ADAMTSL4: variants seen among roughly 807,000 people sequenced by gnomAD.
The protein encoded by ADAMTSL4 is ADAMTS-like protein 4.
Under a neutral mutation model 122.8 loss-of-function variants are expected in ADAMTSL4, and 97 were observed. The observed-to-expected ratio is 0.79, with a 90% CI of 0.67 to 0.93. The LOEUF is 0.93. Ranked by LOEUF, ADAMTSL4 falls within the 40% of genes least tolerant of loss-of-function variation. The pLI is 0.00. For synonymous variants in ADAMTSL4, 592 were observed against 568.0 expected (o/e 1.04, Z -0.60); for missense variants, 1,408 against 1,453.5 (o/e 0.97, Z 0.51).
rs778152887 is a variant in ADAMTSL4 at position 150,559,103 on chromosome 1, C to T, written c.2701C>T (p.Arg901Cys). Residue 901 changes from arginine to cysteine, a missense_variant, in exon 16 of 19, where the codon CGC (arginine) becomes TGC (cysteine). Transcript: ENST00000271643. The surrounding 1 kb of genome is among the most constrained non-coding windows in gnomAD (Gnocchi z 4.1). ...AACAGGAAGCCGGCCCCCTGACATG[C>T]GCGCCTGCAGCCTGGGGCCCTGTGA... is the stretch of plus-strand genomic sequence containing the variant. Reference protein sequence around the residue: ...CPTGSRPPDMRACSLGPCERT... With the variant: ...CPTGSRPPDMCACSLGPCERT... The T allele has an allele frequency of 8.1e-6, 13 of 1,612,694 alleles. No individual in the cohort carries two copies. In the East Asian group the frequency reaches 8.9e-5, roughly 11 times the overall value.
intron 14 of ADAMTSL4, 64 bp from the exon 15 acceptor site, chr1:150,558,409 G>T (rs587605522): frequency 1.2e-6 from 2 of 1,605,674 alleles, no homozygotes; most frequent in South Asian, 2.2e-5. Context: ...CTGAAGCCTA[G>T]AGCTGGAAGC....
Position 150,552,999 on chromosome 1 carries a change from C to T in ADAMTSL4, c.180C>T (p.Cys60=), listed in dbSNP as rs1024281147. Residue 60 remains cysteine, a synonymous_variant, in exon 5 of 19, where the codon TGC becomes TGT. Coordinates refer to ENST00000271643, the MANE Select transcript of ADAMTSL4 (RefSeq NM_019032.6). The surrounding 1 kb of genome is among the most constrained non-coding windows in gnomAD (Gnocchi z 4.0). Reference sequence around the variant, plus strand: ...AGTGGGCCTCTTGCTCCCAGCCCTGCGGGGTGGGGGTGCAGCGCAGGAGCC... The same window carrying T: ...AGTGGGCCTCTTGCTCCCAGCCCTGTGGGGTGGGGGTGCAGCGCAGGAGCC... ...WVQWASCSQP[C]GVGVQRRSRT... 11 of 1,613,098 alleles carry T rather than the reference C, an allele frequency of 6.8e-6. No individual in the cohort carries two copies. The highest frequency in any genetic ancestry group is 3.3e-5 in the South Asian group (3 of 91,080).
chr1:150,558,078 C>G lies in ADAMTSL4; in HGVS notation c.2311C>G (p.Arg771Gly). 2 of 1,613,210 alleles carry G rather than the reference C, an allele frequency of 1.2e-6. No homozygotes were observed. The change falls in exon 14 of 19, where the codon CGG becomes GGG. Residue 771 changes from arginine to glycine, a missense_variant. Arg to Gly is a moderately radical substitution (Grantham distance 125). Transcript: ENST00000271643. ...VPPERCGHLP[R>G]PNITQSCQLR... is the part of the protein sequence containing the mutation. ...CCCGGAGCGCTGTGGACATCTCCCC[C>G]GGCCCAACATCACCCAGTCTTGCCA...
rs1671646194 is a variant in ADAMTSL4, at chr1:150,553,442, C to A, written c.451C>A (p.Pro151Thr). 3 of 1,613,894 alleles carry A rather than the reference C, an allele frequency of 1.9e-6. No homozygotes were observed. Among genetic ancestry groups the A allele is most frequent in the Non-Finnish European group, 2.5e-6 (3 of 1,179,946 alleles). Residue 151 changes from proline (P) to threonine (T), a missense_variant, in exon 6 of 19, where the codon CCC (proline) becomes ACC (threonine). Physicochemically the swap from Pro to Thr is conservative, Grantham distance 38 (BLOSUM62 -1). Transcript: ENST00000271643. ...CCTTCTCAGGTCCCGGCTTCGAGACCCCATCAAGCCAGGAATGTTCGGTTA... is the reference window on the plus strand; with the variant it reads ...CCTTCTCAGGTCCCGGCTTCGAGACACCATCAAGCCAGGAATGTTCGGTTA... ...RAARRSRLRD[P>T]IKPGMFGYGR...
rs778426711 is a variant in ADAMTSL4, at chr1:150,560,112, G to A, written c.3141G>A (p.Arg1047=). 1 of 1,614,076 alleles carries A rather than the reference G, an allele frequency of 6.2e-7. No individual in the cohort carries two copies. The highest frequency in any genetic ancestry group is 1.1e-5 in the South Asian group (1 of 91,084). ...SPHCPLVVQA[R]LCVYPYYTAT... ...ATTGCCCCCTGGTGGTACAGGCCCG[G>A]CTCTGCGTCTACCCCTACTACACAG... Residue 1047 remains arginine, a synonymous_variant, in exon 19 of 19, where the codon CGG becomes CGA. Transcript: ENST00000271643.
Position 150,559,176 on chromosome 1 carries a change from C to A in ADAMTSL4, c.2763+11C>A. 6.2e-7 allele frequency: 1 copy of A among 1,612,050 alleles called. No homozygotes were observed. The highest frequency in any genetic ancestry group is 8.5e-7 in the Non-Finnish European group (1 of 1,179,398). Reference sequence around the variant, plus strand: ...GGGCCCTGGGGTGAGGTAAGCTGAGCGCCTGCTGAGAGCAGGAAGGGGGTG... The same window carrying A: ...GGGCCCTGGGGTGAGGTAAGCTGAGAGCCTGCTGAGAGCAGGAAGGGGGTG... On this transcript the variant is annotated intron_variant, in intron 16 of 18. Transcript: ENST00000271643. This position sits in a 1 kb window ranked among gnomAD's most constrained non-coding sequence, Gnocchi z 4.1.
chr1:150,560,009 C>T (rs777483840), intron 18 of ADAMTSL4, 51 bp from the exon 19 acceptor site: 18 of 1,613,854 alleles, frequency 1.1e-5, no homozygotes, highest in Non-Finnish European at 1.5e-5. Flanking sequence ...CATTCCCAGA[C>T]GGGTGGGTCC....
rs1330343505 is a variant in ADAMTSL4 at position 150,552,766 on chromosome 1, A to G, written c.79-132A>G. The G allele has an allele frequency of 1.5e-5, 19 of 1,277,672 alleles. No individual in the cohort carries two copies. The highest frequency in any genetic ancestry group is 2.1e-5 in the Non-Finnish European group (19 of 892,382). The allele number at this position is 1,277,672 out of a possible 1,614,324, so 79.1% of individuals were successfully genotyped here. A position where few individuals can be genotyped will look rare whatever the true frequency, so the allele number is the denominator to read the frequency against. ...TCATAACACCAAGAGGCCGAGGTGT[A>G]GTTCTCCCTCTGCTGCTGAATGTGA... On this transcript the variant is annotated intron_variant, in intron 4 of 18. Transcript: ENST00000271643. This position sits in a 1 kb window ranked among gnomAD's most constrained non-coding sequence, Gnocchi z 4.0.
rs1671742717 is a variant in ADAMTSL4 at position 150,554,086 on chromosome 1, T to G, written c.1095T>G (p.Ser365=). 1.9e-5 allele frequency: 31 copies of G among 1,601,792 alleles called. No individual in the cohort carries two copies. Among genetic ancestry groups the G allele is most frequent in the Non-Finnish European group, 2.6e-5 (31 of 1,179,934 alleles). Residue 365 remains serine, a synonymous_variant, in exon 6 of 19, where the codon TCT becomes TCG. Coordinates refer to ENST00000271643, the MANE Select transcript of ADAMTSL4 (RefSeq NM_019032.6). The surrounding 1 kb of genome is among the most constrained non-coding windows in gnomAD (Gnocchi z 4.0). ...CCAGTAGCCCTATTCCAAGATGTTC[T>G]GGGGAGAGTGAACAGCTAAGAGCCT... The part of the protein sequence containing the change: ...FAPSSPIPRC[S]GESEQLRACS...
chr1:150,550,224 T>C (rs1056344595), intron 2 of ADAMTSL4: 23 of 456,506 alleles, frequency 5.0e-5, no homozygotes, highest in Non-Finnish European at 9.7e-5. Context: ...CTCTGACCTC[T>C]CCTTTCCTCG....
chr1:150,558,428 A>G, intron 14 of ADAMTSL4, 45 bp from the exon 15 acceptor site: 1 of 1,609,766 alleles, frequency 6.2e-7, no homozygotes, highest in Non-Finnish European at 8.5e-7. Flanking sequence ...GCTGGCTGAG[A>G]AGGTCTGGGA....
Position 150,556,227 on chromosome 1 carries a change from T to C in ADAMTSL4, c.1437T>C (p.Gly479=). The C allele has an allele frequency of 6.2e-7, 1 of 1,613,684 alleles. No individual in the cohort carries two copies. Among genetic ancestry groups the C allele is most frequent in the South Asian group, 1.1e-5 (1 of 91,034 alleles). ...RRPDGCGVCG[G]DDSTCRLVSG... ...CTGATGGCTGTGGAGTCTGTGGGGG[T>C]GATGATTCTACCTGTCGCCTTGTTT... is the stretch of plus-strand genomic sequence containing the variant. The change falls in exon 9 of 19, where the codon GGT becomes GGC. Residue 479 remains glycine, a synonymous_variant. Transcript: ENST00000271643. This position sits in a 1 kb window ranked among gnomAD's most constrained non-coding sequence, Gnocchi z 4.1.
rs376001151 is a variant in ADAMTSL4, at chr1:150,555,757, A to G, written c.1371+192A>G. On this transcript the variant is annotated intron_variant, in intron 8 of 18. Coordinates refer to ENST00000271643, the MANE Select transcript of ADAMTSL4 (RefSeq NM_019032.6). ...CGCACACACACGCATATGCACACAC[A>G]TGCACATGCATATGCAGACACATGC... Among the ~76,000 whole-genome samples, 180 of 152,060 alleles carry G rather than the reference A, an allele frequency of 1.2e-3. 10 individuals carry two copies. In the East Asian group the frequency reaches 0.03, roughly 25 times the overall value.
At position 150,557,579 on chromosome 1, in the gene ADAMTSL4, C is replaced by G; in HGVS notation, c.2133C>G (p.Pro711=). The part of the protein sequence containing the change: ...DERSCAAGAR[P]PASPEPCHGT... ...GCAGCTGTGCCGCGGGTGCCAGGCC[C>G]CCAGCCTCCCCTGAACCCTGCCACG... The change falls in exon 13 of 19, where the codon CCC becomes CCG. Residue 711 remains proline, a synonymous_variant. Coordinates refer to ENST00000271643, the MANE Select transcript of ADAMTSL4 (RefSeq NM_019032.6). The G allele has an allele frequency of 7.5e-6, 12 of 1,604,718 alleles. No homozygotes were observed. Among genetic ancestry groups the G allele is most frequent in the Non-Finnish European group, 1.0e-5 (12 of 1,176,144 alleles).
chr1:150,552,314 A>G lies in ADAMTSL4; in HGVS notation c.20+6A>G. 6.4e-7 allele frequency: 1 copy of G among 1,555,084 alleles called. No individual in the cohort carries two copies. Among genetic ancestry groups the G allele is most frequent in the Non-Finnish European group, 8.7e-7 (1 of 1,148,652 alleles). ...ATGGAGAACTGGACTGGCAGGTGAGAGAAGGGGCCACGGGTTGGGGGGGAG... is the reference window on the plus strand; with the variant it reads ...ATGGAGAACTGGACTGGCAGGTGAGGGAAGGGGCCACGGGTTGGGGGGGAG... On this transcript the variant is annotated splice_donor_region_variant and intron_variant, in intron 3 of 18. Transcript: ENST00000271643. The surrounding 1 kb of genome is among the most constrained non-coding windows in gnomAD (Gnocchi z 4.0).
rs751441022 is a variant in ADAMTSL4, at chr1:150,553,594, A to G, written c.603A>G (p.Ala201=). ...EEAIPSPTPR[A]EPFSANGSPQ... ...CTATTCCGTCCCCTACTCCAAGAGC[A>G]GAGCCATTCTCCGCAAACGGCAGCC... Residue 201 remains alanine, a synonymous_variant, in exon 6 of 19, where the codon GCA becomes GCG. Transcript: ENST00000271643. The G allele has an allele frequency of 6.2e-7, 1 of 1,613,814 alleles. No individual in the cohort carries two copies. Among genetic ancestry groups the G allele is most frequent in the South Asian group, 1.1e-5 (1 of 91,066 alleles).
At position 150,555,571 on chromosome 1, in the gene ADAMTSL4, G is replaced by A. The variant is rs1360625215; in HGVS notation, c.1371+6G>A. On this transcript the variant is annotated splice_donor_region_variant and intron_variant, in intron 8 of 18. Coordinates refer to ENST00000271643, the MANE Select transcript of ADAMTSL4 (RefSeq NM_019032.6). ...GTGTGGCTGGACGCTGTCTGGTGAGGGAAGACAGTGTGTGTGTGCACACAC... is the reference window on the plus strand; with the variant it reads ...GTGTGGCTGGACGCTGTCTGGTGAGAGAAGACAGTGTGTGTGTGCACACAC... 3 of 1,613,718 alleles carry A rather than the reference G, an allele frequency of 1.9e-6. No homozygotes were observed. The highest frequency in any genetic ancestry group is 4.5e-5 in the East Asian group (2 of 44,840).
In ADAMTSL4 at chr1:150,560,319, A is replaced by G. The variant is rs1176345994; in HGVS notation, c.*123A>G. On this transcript the variant is annotated 3_prime_UTR_variant, in exon 19 of 19. Coordinates refer to ENST00000271643, the MANE Select transcript of ADAMTSL4 (RefSeq NM_019032.6). Reference sequence around the variant, plus strand: ...TCAGCAGGGATGTCCTCCAGGTGACAGAGGGTGGCAAGGTGACTGACACAA... The same window carrying G: ...TCAGCAGGGATGTCCTCCAGGTGACGGAGGGTGGCAAGGTGACTGACACAA... 6.9e-7 allele frequency: 1 copy of G among 1,452,968 alleles called. No homozygotes were observed. Among genetic ancestry groups the G allele is most frequent in the East Asian group, 2.5e-5 (1 of 40,422 alleles). 90.0% of individuals were successfully genotyped at this position (1,452,968 alleles called of 1,614,324 possible). A position where few individuals can be genotyped will look rare whatever the true frequency, so the allele number is the denominator to read the frequency against.
In ADAMTSL4 at chr1:150,552,530, C is replaced by A; in HGVS notation, c.21-13C>A. ...TCCAGTCTGACGTCCCTCCCCTGGC[C>A]TTTGGTTTGCAGGCCCTGGCTGTAT... is the stretch of plus-strand genomic sequence containing the variant. On this transcript the variant is annotated splice_polypyrimidine_tract_variant and intron_variant, in intron 3 of 18. Transcript: ENST00000271643. This position sits in a 1 kb window ranked among gnomAD's most constrained non-coding sequence, Gnocchi z 4.0. The A allele has an allele frequency of 6.2e-7, 1 of 1,614,098 alleles. No homozygotes were observed. Among genetic ancestry groups the A allele is most frequent in the African/African-American group, 1.3e-5 (1 of 75,010 alleles).
Sources: gnomAD v4.1 joint callset for allele counts (sites outside exome capture counted in the v4.1 genomes callset) on GRCh38, gnomAD v4.1.1 for gene constraint, Gnocchi (gnomAD v3.1) non-coding constraint, MANE v1.5 for transcripts, NCBI Gene and HGNC (gene_info 2026-07-23, HGNC 2026-07-21) for gene names.